CAT: variants seen among roughly 807,000 people sequenced by gnomAD.
CAT encodes the protein epididymis secretory sperm binding protein.
A neutral mutation model predicts 59.0 loss-of-function variants in CAT; 43 were observed. That is an observed-to-expected ratio of 0.73 (90% confidence interval 0.57 to 0.94). The LOEUF (loss-of-function observed/expected upper bound fraction) is 0.94, where lower values mean the gene tolerates loss of function less well. Ranked by LOEUF, CAT falls within the 40% of genes least tolerant of loss-of-function variation. CAT has a pLI of 0.00. For missense variants in CAT, 664 were observed against 682.9 expected (o/e 0.97, Z 0.31); for synonymous variants, 218 against 230.9 (o/e 0.94, Z 0.51).
In CAT at chr11:34,456,075, A is replaced by G; in HGVS notation, c.776A>G (p.Asp259Gly). The change falls in exon 7 of 13, where the codon GAC becomes GGC. Residue 259 changes from aspartate (D) to glycine (G), a missense_variant. By Grantham distance (94) the Asp-to-Gly change is moderately conservative. Transcript: ENST00000241052. ...GCGAGACTTTCCCAGGAAGATCCTG[A>G]CTATGGCATCCGGGATCTTTTTAAC... ...DAARLSQEDP[D>G]YGIRDLFNAI... The G allele has an allele frequency of 6.2e-7, 1 of 1,614,116 alleles. No individual in the cohort carries two copies. The highest frequency in any genetic ancestry group is 8.5e-7 in the Non-Finnish European group (1 of 1,179,980).
chr11:34,465,894 A>G (rs2064046793), intron 10 of CAT, among the ~76,000 whole-genome samples: 1 of 152,244 alleles, frequency 6.6e-6, no homozygotes. Flanking sequence ...TAAGGGACCA[A>G]GATCAAAGAT....
chr11:34,471,189 G>A, intron 12 of CAT, 148 bp downstream of exon 12: 1 of 911,816 alleles, frequency 1.1e-6, no homozygotes, highest in Non-Finnish European at 1.8e-6. Context: ...ATTCATTTGA[G>A]AGATAAAGAA....
intron 11 of CAT, 187 bp from the exon 12 acceptor site, chr11:34,470,771 T>C: frequency 1.5e-6 from 1 of 680,714 alleles, no homozygotes; most frequent in Non-Finnish European, 2.7e-6. Flanking sequence ...TCAGCCAGTA[T>C]ATGTCAGAGT....
At chr11:34,459,387 G>T (rs1168308139) in intron 8 of CAT, among the ~76,000 whole-genome samples, 1 of 152,160 alleles carries the variant, frequency 6.6e-6, no homozygotes, top group African/African-American at 2.4e-5. Context: ...TTTTAACAAG[G>T]TCATGTTATT....
intron 1 of CAT, among the ~76,000 whole-genome samples, chr11:34,444,220 G>A (rs1269439973): frequency 6.6e-6 from 1 of 152,158 alleles, no homozygotes; most frequent in African/African-American, 2.4e-5. Context: ...TAATACCATA[G>A]GGAAGGGCGA....
chr11:34,445,565 A>G (rs1332573345), intron 1 of CAT, among the ~76,000 whole-genome samples: 1 of 146,694 alleles, frequency 6.8e-6, no homozygotes, highest in Non-Finnish European at 1.5e-5. Flanking sequence ...ATTTTGTTAT[A>G]TGGGGCACAA....
At chr11:34,456,897 C>T (rs1856597254) in intron 8 of CAT, 80 bp downstream of exon 8, 2 of 1,432,462 alleles carry the variant, frequency 1.4e-6, no homozygotes, top group African/African-American at 1.4e-5. Flanking sequence ...TTGGCATGAT[C>T]TTTATGTGAG....
chr11:34,448,659 C>CTT (rs948404235), intron 1 of CAT, among the ~76,000 whole-genome samples: 1 of 147,144 alleles, frequency 6.8e-6, no homozygotes, highest in Admixed American at 6.8e-5. Context: ...AAGCCATTGA[C>CTT]TTTTTTTTTT....
intron 4 of CAT, among the ~76,000 whole-genome samples, chr11:34,452,559 G>A (rs951852531): frequency 5.3e-5 from 8 of 152,014 alleles, no homozygotes; most frequent in South Asian, 4.1e-4. Flanking sequence ...GCGCGCATGC[G>A]GGAGGGTGGG....
chr11:34,454,808 G>C (rs1311753707), intron 6 of CAT, among the ~76,000 whole-genome samples: 1 of 152,222 alleles, frequency 6.6e-6, no homozygotes, highest in Non-Finnish European at 1.5e-5. Flanking sequence ...AGCCAGTCTA[G>C]TTGGTAGCCT....
At chr11:34,446,560 C>A (rs1400213989) in intron 1 of CAT, among the ~76,000 whole-genome samples, 1 of 152,118 alleles carries the variant, frequency 6.6e-6, no homozygotes, top group African/African-American at 2.4e-5. Context: ...TTATTCTTGA[C>A]CATATCACCC....
At chr11:34,460,727 A>G (rs1198227231) in intron 8 of CAT, 3 of 204,074 alleles carry the variant, frequency 1.5e-5, no homozygotes, top group East Asian at 2.5e-4. Flanking sequence ...TGCTGGGATT[A>G]TAATAGGCAT....
chr11:34,444,142 GT>G (rs1334832509), intron 1 of CAT, among the ~76,000 whole-genome samples: 1 of 152,200 alleles, frequency 6.6e-6, no homozygotes, highest in Non-Finnish European at 1.5e-5. Context: ...CAGAAACCAT[GT>G]CTGTGTCTTG....
At chr11:34,457,982 T>C (rs182342255) in intron 8 of CAT, among the ~76,000 whole-genome samples, 26 of 152,350 alleles carry the variant, frequency 1.7e-4, no homozygotes, top group African/African-American at 6.3e-4. Flanking sequence ...TTTTCATTAG[T>C]TTTTAGTCCA....
In CAT at chr11:34,471,993, C is replaced by G. The variant is rs193228551; in HGVS notation, c.*560C>G. The stretch of plus-strand genomic sequence containing the variant: ...GAGTTACATTAATGTTAATTCAGCA[C>G]TGATTTCACAACAGATCAATTTGTA... On this transcript the variant is annotated 3_prime_UTR_variant, in exon 13 of 13. Coordinates refer to ENST00000241052, the MANE Select transcript of CAT (RefSeq NM_001752.4). 857 of 161,720 alleles carry G rather than the reference C, an allele frequency of 5.3e-3. 5 individuals are homozygous for G. The highest frequency in any genetic ancestry group is 0.02 in the African/African-American group (815 of 41,594). 10.0% of individuals were successfully genotyped at this position (161,720 alleles called of 1,614,324 possible).
At chr11:34,453,051 C>G in intron 4 of CAT, 39 bp from the exon 5 acceptor site, 2 of 1,240,232 alleles carry the variant, frequency 1.6e-6, no homozygotes, top group Non-Finnish European at 1.2e-6. Context: ...TTCCTGTAAA[C>G]TTAGTTTTTG....
chr11:34,448,205 C>T (rs1445399563), intron 1 of CAT, among the ~76,000 whole-genome samples: 2 of 152,132 alleles, frequency 1.3e-5, no homozygotes, highest in Admixed American at 6.5e-5. Context: ...AGACTCCACT[C>T]TAGGTGTGTG....
At chr11:34,470,866 C>A in intron 11 of CAT, 92 bp from the exon 12 acceptor site, 1 of 1,039,210 alleles carries the variant, frequency 9.6e-7, no homozygotes, top group Non-Finnish European at 1.5e-6. Flanking sequence ...CTTTCCTCCC[C>A]TATGGAATAA....
intron 3 of CAT, 138 bp from the exon 4 acceptor site, chr11:34,451,939 A>C: frequency 1.2e-6 from 1 of 805,954 alleles, no homozygotes; most frequent in Non-Finnish European, 2.1e-6. Context: ...AGAAATAATA[A>C]CCCGGGCACT....
Sources: gnomAD v4.1 joint callset for allele counts (sites outside exome capture counted in the v4.1 genomes callset) on GRCh38, gnomAD v4.1.1 for gene constraint, MANE v1.5 for transcripts, NCBI Gene and HGNC (gene_info 2026-07-23, HGNC 2026-07-21) for gene names.